Variants in TOX observed in about 807,000 individuals in gnomAD.
TOX encodes thymocyte selection associated high mobility group box.
In TOX, 11 loss-of-function variants were observed where a neutral mutation model predicts 53.7. The observed-to-expected ratio is 0.20, with a 90% CI of 0.13 to 0.34. The LOEUF is 0.34. Among genes scored for constraint, TOX ranks in the 10% least tolerant of loss-of-function variants. The pLI is 1.00. For missense variants in TOX, 570 were observed against 664.6 expected, an observed-to-expected ratio of 0.86 and a Z score of 1.56; for synonymous variants, 225 against 245.3, an observed-to-expected ratio of 0.92 and a Z score of 0.77.
chr8:59,032,198 G>A (rs1814370695), intron 1 of TOX, among the ~76,000 whole-genome samples: 1 of 152,166 alleles, frequency 6.6e-6, no homozygotes, highest in South Asian at 2.1e-4. Flanking sequence ...TGACCTTAAG[G>A]ATGTAGCCCT....
At chr8:58,871,191 A>T (rs1384351718) in intron 3 of TOX, among the ~76,000 whole-genome samples, 1 of 150,518 alleles carries the variant, frequency 6.6e-6, no homozygotes, top group Non-Finnish European at 1.5e-5. Flanking sequence ...AAAAAAAAAA[A>T]GCTACATCCC....
intron 3 of TOX, among the ~76,000 whole-genome samples, chr8:58,933,794 T>A (rs1017564933): frequency 6.6e-6 from 1 of 152,154 alleles, no homozygotes; most frequent in African/African-American, 2.4e-5. Flanking sequence ...TCAAGGGAAC[T>A]TTTATAAGAA....
At chr8:59,059,813 C>A (rs1291400917) in intron 1 of TOX, among the ~76,000 whole-genome samples, 1 of 151,698 alleles carries the variant, frequency 6.6e-6, no homozygotes, top group Non-Finnish European at 1.5e-5. Flanking sequence ...CTCTTGTTAT[C>A]GTGGCCAGAA....
chr8:58,848,200 T>C (rs1398953489), intron 4 of TOX, among the ~76,000 whole-genome samples: 1 of 151,994 alleles, frequency 6.6e-6, no homozygotes, highest in Non-Finnish European at 1.5e-5. Flanking sequence ...TAGACCTCTA[T>C]ATAGCTGTAT....
chr8:58,949,991 A>G (rs1328245591), intron 2 of TOX, among the ~76,000 whole-genome samples: 4 of 2,818 alleles, frequency 1.4e-3, no homozygotes, highest in Admixed American at 4.8e-3. Context: ...CACGTGTAAT[A>G]TACAATTACA....
intron 3 of TOX, among the ~76,000 whole-genome samples, chr8:58,889,334 A>G (rs1007807153): frequency 2.0e-5 from 3 of 152,050 alleles, no homozygotes; most frequent in African/African-American, 7.2e-5. Context: ...AAAAAACAAT[A>G]AAGCAGCTCT....
intron 3 of TOX, among the ~76,000 whole-genome samples, chr8:58,856,841 G>C (rs1810925778): frequency 6.6e-6 from 1 of 151,992 alleles, no homozygotes; most frequent in Non-Finnish European, 1.5e-5. Context: ...GCACCATAAG[G>C]ACGCTGAAGG....
At chr8:58,897,253 C>T (rs1811666047) in intron 3 of TOX, among the ~76,000 whole-genome samples, 1 of 152,166 alleles carries the variant, frequency 6.6e-6, no homozygotes, top group Non-Finnish European at 1.5e-5. Context: ...ACTCTATAAA[C>T]ATTTTTATTT....
At chr8:58,959,163 A>G (rs1448731458) in intron 2 of TOX, among the ~76,000 whole-genome samples, 1 of 152,110 alleles carries the variant, frequency 6.6e-6, no homozygotes, top group Admixed American at 6.5e-5. Flanking sequence ...GCTTTCACTT[A>G]TTCGTTTATT....
At chr8:59,055,641 C>T (rs1262480910) in intron 1 of TOX, among the ~76,000 whole-genome samples, 1 of 152,076 alleles carries the variant, frequency 6.6e-6, no homozygotes, top group Non-Finnish European at 1.5e-5. Context: ...GTGTTTGATC[C>T]CTGCCTCACA....
chr8:59,031,942 A>G (rs1814364257), intron 1 of TOX, among the ~76,000 whole-genome samples: 1 of 152,232 alleles, frequency 6.6e-6, no homozygotes, highest in Non-Finnish European at 1.5e-5. Flanking sequence ...ATGAAAAGAA[A>G]CTAAAGATTT....
In TOX at chr8:59,079,339, T is replaced by C. The variant is rs536041297; in HGVS notation, c.102+39547A>G. Among the ~76,000 whole-genome samples the C allele has an allele frequency of 2.8e-4, 43 of 152,290 alleles. 1 individual carries two copies. In the South Asian group the frequency reaches 8.9e-3, roughly 32 times the overall value. On this transcript the variant is annotated intron_variant, in intron 1 of 8. Coordinates refer to ENST00000361421, the MANE Select transcript of TOX (RefSeq NM_014729.3). ...ATGGGAAAAAGGCCTCAGAGGCATT[T>C]CAGGACCTTCCCAGCAGCCCCTCCC... is the stretch of plus-strand genomic sequence containing the variant.
intron 3 of TOX, among the ~76,000 whole-genome samples, chr8:58,871,244 T>C (rs938840644): frequency 6.6e-6 from 1 of 151,092 alleles, no homozygotes; most frequent in Non-Finnish European, 1.5e-5. Context: ...TTGGTTGCCA[T>C]GCATCAGGAA....
chr8:58,873,958 C>CTGTTTTTTTTTTTTTT (rs1491588338), intron 3 of TOX, among the ~76,000 whole-genome samples: 1 of 40,128 alleles, frequency 2.5e-5, no homozygotes, highest in Non-Finnish European at 3.9e-5. Flanking sequence ...TGCCAGGAAG[C>CTGTTTTTTTTTTTTTT]TTTTTTTTTT....
chr8:58,998,926 A>G (rs773681113), intron 1 of TOX, among the ~76,000 whole-genome samples: 1 of 152,102 alleles, frequency 6.6e-6, no homozygotes, highest in Non-Finnish European at 1.5e-5. Flanking sequence ...ATCACCAGTT[A>G]CTAATTCATT....
rs1439753754 is a variant in TOX, at chr8:58,851,168, C to CTCTCTT, written c.693+355_693+356insAAGAGA. Among the ~76,000 whole-genome samples the CTCTCTT allele has an allele frequency of 8.0e-5, 11 of 137,866 alleles. No homozygotes were observed. Among genetic ancestry groups the CTCTCTT allele is most frequent in the African/African-American group, 3.2e-4 (11 of 34,180 alleles). The allele number at this position is 137,866 out of a possible 152,430, so 90.4% of individuals were successfully genotyped here. On this transcript the variant is annotated intron_variant, in intron 4 of 8. Transcript: ENST00000361421. This position sits in a 1 kb window ranked among gnomAD's most constrained non-coding sequence, Gnocchi z 4.4. ...CTCCTCTCTCTCTCTGTCTCTCTCT[C>CTCTCTT]TCTCTCTCTCTCTCTCTCACACACA... is the stretch of plus-strand genomic sequence containing the variant.
chr8:58,887,275 T>C (rs1470709893), intron 3 of TOX, among the ~76,000 whole-genome samples: 2 of 151,928 alleles, frequency 1.3e-5, no homozygotes, highest in Admixed American at 6.6e-5. Flanking sequence ...TATTTTTGTG[T>C]GTAATTCCTG....
intron 1 of TOX, among the ~76,000 whole-genome samples, chr8:59,051,215 C>A (rs1315081004): frequency 6.6e-6 from 1 of 151,982 alleles, no homozygotes; most frequent in East Asian, 1.9e-4. Flanking sequence ...AGATTTGGTC[C>A]CTTAGAGAAG....
intron 3 of TOX, among the ~76,000 whole-genome samples, chr8:58,880,958 T>C (rs1329963376): frequency 6.6e-6 from 1 of 152,130 alleles, no homozygotes; most frequent in Non-Finnish European, 1.5e-5. Context: ...CCAATTAATT[T>C]ACTTATTTAA....
Sources: allele counts gnomAD v4.1 joint callset (sites outside exome capture counted in the v4.1 genomes callset), GRCh38; gene constraint gnomAD v4.1.1; non-coding constraint Gnocchi (gnomAD v3.1); transcripts MANE v1.5; gene names NCBI Gene and HGNC (gene_info 2026-07-23, HGNC 2026-07-21).